The following CACNA1C variants were observed in gnomAD, a reference collection of about 807,000 sequenced individuals.
CACNA1C encodes the protein calcium voltage-gated channel subunit alpha1 C.
CACNA1C carries 30 observed loss-of-function variants against 229.0 expected under a neutral mutation model. The observed-to-expected ratio is 0.13, with a 90% confidence interval of 0.10 to 0.18. The LOEUF (loss-of-function observed/expected upper bound fraction) is 0.18. Among genes scored for constraint, CACNA1C ranks in the 10% least tolerant of loss-of-function variants. The pLI is 1.00. For missense variants in CACNA1C, 1,658 were observed against 2,845.0 expected, an observed-to-expected ratio of 0.58 and a Z score of 9.49; for synonymous variants, 1,114 against 1,132.5, an observed-to-expected ratio of 0.98 and a Z score of 0.33.
Position 2,092,297 on chromosome 12 carries a change from T to C in CACNA1C, c.50-22927T>C, listed in dbSNP as rs965626704. 3.9e-5 allele frequency among the ~76,000 whole-genome samples: 6 copies of C among 152,326 alleles called. 1 individual carries two copies. Among genetic ancestry groups the C allele is most frequent in the Admixed American group, 6.5e-5 (1 of 15,306 alleles). On this transcript the variant is annotated intron_variant, in intron 1 of 46. Transcript: ENST00000399655. Reference sequence around the variant, plus strand: ...CCTGTAAGCCTAATTGGGTCATACATAACTTGTACAGTGATTTCCTATGAA... The same window carrying C: ...CCTGTAAGCCTAATTGGGTCATACACAACTTGTACAGTGATTTCCTATGAA...
chr12:2,175,709 C>T (rs1420466797), intron 3 of CACNA1C, among the ~76,000 whole-genome samples: 1 of 152,124 alleles, frequency 6.6e-6, no homozygotes. Flanking sequence ...TCTGTCATTC[C>T]TTTTGCGTTG....
At chr12:2,013,693 C>G (rs1311453693) in intron 1 of CACNA1C, among the ~76,000 whole-genome samples, 1 of 152,162 alleles carries the variant, frequency 6.6e-6, no homozygotes, top group African/African-American at 2.4e-5. Flanking sequence ...TGGTACCAGC[C>G]TTGTGGGCTG....
intron 3 of CACNA1C, among the ~76,000 whole-genome samples, chr12:2,175,749 C>T (rs1027257399): frequency 2.6e-5 from 4 of 152,122 alleles, no homozygotes; most frequent in East Asian, 1.9e-4. Flanking sequence ...TAAAGAAGAA[C>T]GCTCTCTCAT....
intron 3 of CACNA1C, among the ~76,000 whole-genome samples, chr12:2,318,367 G>A (rs914079170): frequency 2.6e-5 from 4 of 152,208 alleles, no homozygotes; most frequent in African/African-American, 4.8e-5. Context: ...AGGCGACAGC[G>A]GAGAATTCTC....
intron 3 of CACNA1C, among the ~76,000 whole-genome samples, chr12:2,239,256 C>G (rs2068763349): frequency 6.6e-6 from 1 of 152,148 alleles, no homozygotes; most frequent in South Asian, 2.1e-4. Context: ...CGGTTTGGTC[C>G]CCTCCATCAG....
chr12:2,662,104 T>A (rs2095786544), intron 34 of CACNA1C, among the ~76,000 whole-genome samples: 1 of 151,620 alleles, frequency 6.6e-6, no homozygotes, highest in Admixed American at 6.6e-5. Flanking sequence ...TAGCCGGGCG[T>A]GGTAGCAGGC....
intron 1 of CACNA1C, among the ~76,000 whole-genome samples, chr12:2,105,214 C>T (rs886965107): frequency 5.3e-5 from 8 of 152,236 alleles, no homozygotes; most frequent in Admixed American, 2.0e-4. Flanking sequence ...GCTTGGGCCT[C>T]TGAAGTGCTC....
chr12:2,507,346 T>A (rs1469344756), intron 8 of CACNA1C, among the ~76,000 whole-genome samples: 2 of 152,012 alleles, frequency 1.3e-5, no homozygotes, highest in Non-Finnish European at 1.5e-5. Context: ...CCTCTCCTCA[T>A]GTGTCAAGGG....
intron 1 of CACNA1C, chr12:2,020,384 G>A (rs1013036571): frequency 6.6e-6 from 1 of 152,160 alleles, no homozygotes; most frequent in African/African-American, 2.4e-5. Context: ...GATGCCTAGG[G>A]CTGTTTGTCT....
chr12:2,494,062 G>A (rs529817459), intron 7 of CACNA1C, among the ~76,000 whole-genome samples: 22 of 150,064 alleles, frequency 1.5e-4, no homozygotes, highest in African/African-American at 4.9e-4. Flanking sequence ...TGTGTAGAAC[G>A]TGCAGGTTTG....
intron 3 of CACNA1C, among the ~76,000 whole-genome samples, chr12:2,156,382 T>A (rs891835851): frequency 2.0e-5 from 3 of 152,202 alleles, no homozygotes; most frequent in African/African-American, 7.2e-5. Context: ...AATGCTCTCT[T>A]CCAAAACCAC....
intron 30 of CACNA1C, among the ~76,000 whole-genome samples, chr12:2,643,691 G>A (rs533463445): frequency 6.6e-6 from 1 of 152,292 alleles, no homozygotes; most frequent in South Asian, 2.1e-4. Flanking sequence ...GGGAAGGGGA[G>A]ATAAAAGGAT....
rs114416042 is a variant in CACNA1C, at chr12:2,494,193, T to C, written c.1113+807T>C. ...CGAGAGCCACCCAATCAATAGCAAA[T>C]CTTCGTTTACCTTAAAGTTGCCCCT... On this transcript the variant is annotated intron_variant, in intron 7 of 46. Coordinates refer to ENST00000399655, the MANE Select transcript of CACNA1C (RefSeq NM_000719.7). Among the ~76,000 whole-genome samples, 1,160 of 152,206 alleles carry C rather than the reference T, an allele frequency of 7.6e-3. 15 individuals carry two copies. Among genetic ancestry groups the C allele is most frequent in the African/African-American group, 0.027 (1,115 of 41,520 alleles).
At position 2,697,038 on chromosome 12, in the gene CACNA1C, G is replaced by A. The variant is rs1169099063; in HGVS notation, c.*5839G>A. 1 of 152,262 alleles carries A rather than the reference G, an allele frequency of 6.6e-6. No individual in the cohort carries two copies. Among genetic ancestry groups the A allele is most frequent in the Non-Finnish European group, 1.5e-5 (1 of 68,082 alleles). 9.4% of individuals were successfully genotyped at this position (152,262 alleles called of 1,614,324 possible). ...GAAAAGGAAAGAACTTGTACATCAA[G>A]GGAAGATGATTTGTAAACACACAGT... On this transcript the variant is annotated 3_prime_UTR_variant, in exon 47 of 47. Coordinates refer to ENST00000399655, the MANE Select transcript of CACNA1C (RefSeq NM_000719.7).
chr12:2,679,375 T>C lies in CACNA1C; in HGVS notation c.5092-69T>C. The C allele has an allele frequency of 8.4e-7, 1 of 1,186,638 alleles. No homozygotes were observed. Among genetic ancestry groups the C allele is most frequent in the African/African-American group, 1.5e-5 (1 of 65,062 alleles). 73.5% of individuals were successfully genotyped at this position (1,186,638 alleles called of 1,614,324 possible). A position where few individuals can be genotyped will look rare whatever the true frequency, so the allele number is the denominator to read the frequency against. ...GCCCTGCACTTCCCTGACCTGGCTG[T>C]GGAGGCTGCTCTCTGGGAGGAGTGG... On this transcript the variant is annotated intron_variant, in intron 41 of 46. Coordinates refer to ENST00000399655, the MANE Select transcript of CACNA1C (RefSeq NM_000719.7). This position sits in a 1 kb window ranked among gnomAD's most constrained non-coding sequence, Gnocchi z 5.5.
intron 9 of CACNA1C, among the ~76,000 whole-genome samples, chr12:2,544,189 C>T (rs1218664267): frequency 6.6e-6 from 1 of 151,956 alleles, no homozygotes; most frequent in Non-Finnish European, 1.5e-5. Flanking sequence ...GTTTCTGTTC[C>T]ACACTTTGTA....
chr12:2,521,007 G>T (rs561767396), intron 9 of CACNA1C, among the ~76,000 whole-genome samples: 6 of 152,392 alleles, frequency 3.9e-5, no homozygotes, highest in Admixed American at 3.3e-4. Flanking sequence ...TAAAGGCTCT[G>T]CTCCCCTTGG....
rs2099786076 is a variant in CACNA1C at position 2,512,265 on chromosome 12, T to A, written c.1218-547T>A. ...CCGATCTCAAGCTACCAGCGAGACATCCCTGAAGCCAGAGTTGGGAAGAGA... is the reference window on the plus strand; with the variant it reads ...CCGATCTCAAGCTACCAGCGAGACAACCCTGAAGCCAGAGTTGGGAAGAGA... On this transcript the variant is annotated intron_variant, in intron 8 of 46. Transcript: ENST00000399655. The surrounding 1 kb of genome is among the most constrained non-coding windows in gnomAD (Gnocchi z 4.3). 6.6e-6 allele frequency among the ~76,000 whole-genome samples: 1 copy of A among 152,144 alleles called. No individual in the cohort carries two copies. Among genetic ancestry groups the A allele is most frequent in the Admixed American group, 6.5e-5 (1 of 15,280 alleles).
intron 38 of CACNA1C, among the ~76,000 whole-genome samples, chr12:2,670,041 C>T (rs56398307): frequency 0.069 from 10,480 of 152,162 alleles, 1,185 homozygotes; most frequent in African/African-American, 0.24. Context: ...AAAAGACCAC[C>T]GCTGCAGAAT....
Sources: allele counts gnomAD v4.1 joint callset (sites outside exome capture counted in the v4.1 genomes callset), GRCh38; gene constraint gnomAD v4.1.1; non-coding constraint Gnocchi (gnomAD v3.1); transcripts MANE v1.5; gene names NCBI Gene and HGNC (gene_info 2026-07-23, HGNC 2026-07-21).